Variants in TAFA1 observed in about 807,000 individuals in gnomAD.
TAFA1 encodes chemokine-like protein TAFA-1.
In TAFA1, 4 loss-of-function variants were observed where a neutral mutation model predicts 18.5. The ratio of observed to expected loss-of-function variants is 0.22; its 90% confidence interval spans 0.11 to 0.49. The LOEUF (loss-of-function observed/expected upper bound fraction) is 0.49, where lower values mean the gene tolerates loss of function less well. Among genes scored for constraint, TAFA1 ranks in the 20% least tolerant of loss-of-function variants. The pLI is 0.98. For synonymous variants in TAFA1, 56 were observed against 55.2 expected, an observed-to-expected ratio of 1.01 and a Z score of -0.06; for missense variants, 147 against 169.0, an observed-to-expected ratio of 0.87 and a Z score of 0.72.
intron 2 of TAFA1, among the ~76,000 whole-genome samples, chr3:68,182,453 G>A (rs549586970): frequency 7.5e-4 from 114 of 152,242 alleles, no homozygotes; most frequent in Non-Finnish European, 1.4e-3. Context: ...CAATGCAGTA[G>A]TATTTCATTC....
chr3:68,239,405 C>A (rs748490332), intron 2 of TAFA1, among the ~76,000 whole-genome samples: 2 of 152,126 alleles, frequency 1.3e-5, no homozygotes, highest in Non-Finnish European at 2.9e-5. Context: ...TTCTGTTGAA[C>A]TTCCACTTTA....
chr3:68,493,227 A>G (rs1259153930), intron 3 of TAFA1, among the ~76,000 whole-genome samples: 2 of 152,152 alleles, frequency 1.3e-5, no homozygotes, highest in Non-Finnish European at 2.9e-5. Context: ...GTCAAATATA[A>G]GCGGAATCAT....
chr3:68,425,674 C>T (rs927622588), intron 3 of TAFA1, among the ~76,000 whole-genome samples: 7 of 151,886 alleles, frequency 4.6e-5, no homozygotes, highest in Admixed American at 1.3e-4. Context: ...TAGGTGTCTA[C>T]GTTTGTTCCT....
chr3:68,155,241 C>A (rs1294373429), intron 2 of TAFA1, among the ~76,000 whole-genome samples: 1 of 152,188 alleles, frequency 6.6e-6, no homozygotes, highest in Admixed American at 6.5e-5. Context: ...CATCACTCTG[C>A]AGTGCCTGAT....
At chr3:68,471,009 G>A (rs922718756) in intron 3 of TAFA1, among the ~76,000 whole-genome samples, 5 of 152,132 alleles carry the variant, frequency 3.3e-5, no homozygotes, top group African/African-American at 1.2e-4. Context: ...GCCACCTCAG[G>A]ACTTGGTGCC....
At chr3:68,289,566 C>T (rs2068074198) in intron 2 of TAFA1, among the ~76,000 whole-genome samples, 1 of 121,682 alleles carries the variant, frequency 8.2e-6, no homozygotes, top group Non-Finnish European at 1.8e-5. Context: ...TTCTTCTCTG[C>T]TTTGTGGACC....
intron 2 of TAFA1, among the ~76,000 whole-genome samples, chr3:68,069,411 G>GAAAAAAA (rs1292946025): frequency 6.6e-6 from 1 of 152,142 alleles, no homozygotes; most frequent in African/African-American, 2.4e-5. Flanking sequence ...AACAGCATGG[G>GAAAAAAA]AAAGACCTGC....
chr3:68,509,581 G>A (rs1448502387), intron 3 of TAFA1, among the ~76,000 whole-genome samples: 3 of 152,054 alleles, frequency 2.0e-5, no homozygotes, highest in Non-Finnish European at 4.4e-5. Context: ...ACTAGTAGAA[G>A]CCATGAAAAA....
At chr3:68,177,737 T>C (rs915052847) in intron 2 of TAFA1, among the ~76,000 whole-genome samples, 1 of 152,230 alleles carries the variant, frequency 6.6e-6, no homozygotes, top group African/African-American at 2.4e-5. Context: ...CTACTCCTTT[T>C]ATAATCTGTC....
At chr3:68,485,168 C>T (rs551085215) in intron 3 of TAFA1, among the ~76,000 whole-genome samples, 1 of 152,206 alleles carries the variant, frequency 6.6e-6, no homozygotes, top group South Asian at 2.1e-4. Context: ...TTAACAATTG[C>T]CGCAGCTACA....
chr3:68,525,487 T>G (rs566270020), intron 3 of TAFA1, among the ~76,000 whole-genome samples: 110 of 152,294 alleles, frequency 7.2e-4, no homozygotes, highest in African/African-American at 2.5e-3. Flanking sequence ...TTCTTCCAAA[T>G]AGTCCAGACA....
intron 2 of TAFA1, among the ~76,000 whole-genome samples, chr3:68,103,994 T>C (rs1056470936): frequency 2.1e-4 from 32 of 152,316 alleles, no homozygotes; most frequent in African/African-American, 7.2e-4. Flanking sequence ...TTTATTTGCA[T>C]GTGTCTTTCA....
chr3:68,211,016 C>T (rs1364415601), intron 2 of TAFA1, among the ~76,000 whole-genome samples: 1 of 151,990 alleles, frequency 6.6e-6, no homozygotes, highest in Admixed American at 6.6e-5. Flanking sequence ...AGACCTTTGT[C>T]CCTTATCATT....
intron 2 of TAFA1, among the ~76,000 whole-genome samples, chr3:68,129,652 T>C (rs1292913893): frequency 6.6e-6 from 1 of 152,182 alleles, no homozygotes; most frequent in Non-Finnish European, 1.5e-5. Context: ...TATTATAACA[T>C]ATTATGTATA....
At chr3:68,323,350 A>G (rs1427991727) in intron 2 of TAFA1, among the ~76,000 whole-genome samples, 1 of 152,222 alleles carries the variant, frequency 6.6e-6, no homozygotes, top group Non-Finnish European at 1.5e-5. Flanking sequence ...GGCCAGAACT[A>G]GAGAACAGGT....
intron 3 of TAFA1, among the ~76,000 whole-genome samples, chr3:68,499,175 A>C (rs1253420627): frequency 1.3e-5 from 2 of 152,122 alleles, no homozygotes; most frequent in African/African-American, 2.4e-5. Flanking sequence ...TTTATACTAA[A>C]CAACTCATTT....
At chr3:68,075,384 G>C (rs1422201582) in intron 2 of TAFA1, among the ~76,000 whole-genome samples, 1 of 152,112 alleles carries the variant, frequency 6.6e-6, no homozygotes, top group Non-Finnish European at 1.5e-5. Flanking sequence ...CTTGTAGTTT[G>C]TGATAAGAGT....
At chr3:68,088,004 C>T (rs73834821) in intron 2 of TAFA1, among the ~76,000 whole-genome samples, 3,527 of 152,116 alleles carry the variant, frequency 0.023, 52 homozygotes, top group Middle Eastern at 0.037. Context: ...TTTTGTCTTT[C>T]GGTACTACTA....
At chr3:68,095,882 T>TA (rs1217619859) in intron 2 of TAFA1, among the ~76,000 whole-genome samples, 2 of 152,154 alleles carry the variant, frequency 1.3e-5, no homozygotes, top group African/African-American at 2.4e-5. Context: ...GTTACATGCA[T>TA]AGAATGTGTC....
Sources: gnomAD v4.1 joint callset for allele counts (sites outside exome capture counted in the v4.1 genomes callset) on GRCh38, gnomAD v4.1.1 for gene constraint, MANE v1.5 for transcripts, NCBI Gene and HGNC (gene_info 2026-07-23, HGNC 2026-07-21) for gene names.